Variants in SV2C observed in about 807,000 individuals in gnomAD.
SV2C encodes synaptic vesicle glycoprotein 2C, also known as solute carrier family 22 member B3.
In SV2C, 49 loss-of-function variants were observed where a neutral mutation model predicts 79.7. That is an observed-to-expected ratio of 0.61 (90% CI 0.49 to 0.78). The LOEUF (loss-of-function observed/expected upper bound fraction) is 0.78, where lower values mean the gene tolerates loss of function less well. SV2C is among the 30% of genes least tolerant of loss of function. SV2C has a pLI of 0.00. For missense variants in SV2C, 833 were observed against 912.9 expected (o/e 0.91, Z 1.13); for synonymous variants, 334 against 333.2 (o/e 1.00, Z -0.03).
chr5:75,927,648 T>A, the SV2C span, among the ~76,000 whole-genome samples: 1 of 152,170 alleles, frequency 6.6e-6, no homozygotes, highest in African/African-American at 2.4e-5. Flanking sequence ...TCATGTTGTG[T>A]TCTTACCAAA....
intron 12 of SV2C, among the ~76,000 whole-genome samples, chr5:76,312,653 ACAGACTCCCAGGGC>A (rs1428271519): frequency 6.6e-6 from 1 of 152,186 alleles, no homozygotes; most frequent in Non-Finnish European, 1.5e-5. Flanking sequence ...GCAACTCTGC[ACAGACTCCCAGGGC>A]CAGGCAAGCC....
intron 4 of SV2C, among the ~76,000 whole-genome samples, chr5:76,276,723 T>C (rs1052320370): frequency 6.7e-6 from 1 of 150,156 alleles, no homozygotes; most frequent in African/African-American, 2.5e-5. Context: ...CTAGCTTTTT[T>C]CTTCCTTTCT....
the SV2C span, among the ~76,000 whole-genome samples, chr5:75,954,883 G>A: frequency 7.0e-6 from 1 of 142,494 alleles, no homozygotes; most frequent in Non-Finnish European, 1.5e-5. Flanking sequence ...CACTGCTCAA[G>A]GAAATAAAAG....
chr5:75,933,110 CTCTA>C, the SV2C span, among the ~76,000 whole-genome samples: 13 of 152,248 alleles, frequency 8.5e-5, no homozygotes, highest in African/African-American at 3.1e-4. Context: ...TTTCTTACAA[CTCTA>C]TCTAATTCTT....
chr5:76,220,077 G>T (rs1745023013), intron 4 of SV2C, among the ~76,000 whole-genome samples: 1 of 152,178 alleles, frequency 6.6e-6, no homozygotes, highest in African/African-American at 2.4e-5. Context: ...CCCGGGGTTT[G>T]TGACCATATG....
chr5:76,129,801 C>G (rs978821160), intron 1 of SV2C, among the ~76,000 whole-genome samples: 2 of 152,158 alleles, frequency 1.3e-5, no homozygotes, highest in African/African-American at 4.8e-5. Context: ...CATTCAGACT[C>G]TGCTTTCAAC....
the SV2C span, among the ~76,000 whole-genome samples, chr5:75,952,716 C>T: frequency 8.6e-5 from 13 of 151,744 alleles, no homozygotes; most frequent in Non-Finnish European, 1.6e-4. Context: ...GAGGACTCAC[C>T]AGAAGTCAAG....
chr5:75,991,846 C>T, the SV2C span, among the ~76,000 whole-genome samples: 1 of 151,684 alleles, frequency 6.6e-6, no homozygotes, highest in African/African-American at 2.4e-5. Flanking sequence ...AATGCCAGCT[C>T]TATCATATAC....
chr5:76,340,813 T>C (rs1022440193), intron 12 of SV2C, among the ~76,000 whole-genome samples: 1 of 152,188 alleles, frequency 6.6e-6, no homozygotes, highest in Non-Finnish European at 1.5e-5. Flanking sequence ...TCTTGGTATG[T>C]TGTCCAGGCT....
the SV2C span, among the ~76,000 whole-genome samples, chr5:75,931,334 C>A: frequency 3.2e-4 from 48 of 152,306 alleles, no homozygotes; most frequent in African/African-American, 1.1e-3. Context: ...CACAAATCTT[C>A]TATGTGGTCA....
At chr5:75,949,750 C>A in the SV2C span, among the ~76,000 whole-genome samples, 25,089 of 152,010 alleles carry the variant, frequency 0.17, 2,178 homozygotes, top group Middle Eastern at 0.21. Context: ...ACAGTGAGTC[C>A]ATTAAACCTC....
intron 1 of SV2C, among the ~76,000 whole-genome samples, chr5:76,095,050 A>G (rs375166159): frequency 1.7e-4 from 26 of 151,768 alleles, no homozygotes; most frequent in African/African-American, 5.6e-4. Flanking sequence ...ATTTCTTTCA[A>G]TGTTTTTTTT....
intron 4 of SV2C, among the ~76,000 whole-genome samples, chr5:76,211,057 T>C (rs1487423540): frequency 6.6e-6 from 1 of 152,170 alleles, no homozygotes; most frequent in East Asian, 1.9e-4. Flanking sequence ...ACATGACTTA[T>C]AGTTGTTCTT....
the SV2C span, among the ~76,000 whole-genome samples, chr5:76,034,531 G>C: frequency 1.3e-5 from 2 of 152,160 alleles, no homozygotes; most frequent in Non-Finnish European, 2.9e-5. Context: ...CTTTGGCTCT[G>C]TTTATATGCT....
chr5:76,268,994 C>T (rs564939818), intron 4 of SV2C, among the ~76,000 whole-genome samples: 33 of 152,330 alleles, frequency 2.2e-4, no homozygotes, highest in African/African-American at 7.0e-4. Context: ...AACGAAGTTT[C>T]GAAGTATCCT....
intron 1 of SV2C, among the ~76,000 whole-genome samples, chr5:76,100,538 A>T (rs185014360): frequency 6.9e-4 from 105 of 152,332 alleles, no homozygotes; most frequent in African/African-American, 2.3e-3. Flanking sequence ...GAAATATTTT[A>T]AAAAATGAAA....
the SV2C span, among the ~76,000 whole-genome samples, chr5:75,984,811 C>T: frequency 6.6e-6 from 1 of 152,022 alleles, no homozygotes; most frequent in Non-Finnish European, 1.5e-5. Context: ...ATTTCTTCCC[C>T]AGGGAAGTCT....
the SV2C span, among the ~76,000 whole-genome samples, chr5:76,018,495 G>C: frequency 6.6e-6 from 1 of 152,094 alleles, no homozygotes; most frequent in Non-Finnish European, 1.5e-5. Context: ...TTTTGAAAAG[G>C]TGTTTTATAA....
chr5:76,195,332 G>A (rs1037524307), intron 3 of SV2C, among the ~76,000 whole-genome samples: 1 of 152,134 alleles, frequency 6.6e-6, no homozygotes, highest in African/African-American at 2.4e-5. Context: ...TCTAGAAGAA[G>A]AGTATTGTTT....
Sources: allele counts gnomAD v4.1 joint callset (sites outside exome capture counted in the v4.1 genomes callset), GRCh38; gene constraint gnomAD v4.1.1; transcripts MANE v1.5; gene names NCBI Gene and HGNC (gene_info 2026-07-23, HGNC 2026-07-21).